SPATA6: variants seen among roughly 807,000 people sequenced by gnomAD.
The protein encoded by SPATA6 is spermatogenesis associated 6.
SPATA6 carries 56 observed loss-of-function variants against 65.3 expected under a neutral mutation model. The observed-to-expected ratio is 0.86, with a 90% CI of 0.69 to 1.07. The LOEUF is 1.07. Among genes scored for constraint, SPATA6 ranks in the 50% least tolerant of loss-of-function variants. The probability of loss-of-function intolerance (pLI) is 0.00; values close to 1 mark genes in which losing one functional copy is unlikely to be tolerated. For synonymous variants in SPATA6, 199 were observed against 213.2 expected (o/e 0.93, Z 0.58); for missense variants, 590 against 594.8 (o/e 0.99, Z 0.08).
intron 5 of SPATA6, among the ~76,000 whole-genome samples, chr1:48,406,780 T>G (rs896235818): frequency 6.6e-6 from 1 of 152,222 alleles, no homozygotes; most frequent in Non-Finnish European, 1.5e-5. Context: ...CAAGTTTACA[T>G]TAATCTACCC....
rs1201741819 is a variant in SPATA6, at chr1:48,324,926, G to A, written c.1195-19048C>T. Among the ~76,000 whole-genome samples, 3 of 152,144 alleles carry A rather than the reference G, an allele frequency of 2.0e-5. No homozygotes were observed. In the East Asian group the frequency reaches 5.8e-4, roughly 29 times the overall value. ...CAAATTATCTTTCCTTGCAGATGAT[G>A]CAATTTTATATTTGGAAAAAACCTA... On this transcript the variant is annotated intron_variant, in intron 11 of 12. Transcript: ENST00000371847.
At chr1:48,301,795 A>G (rs1398205358) in intron 12 of SPATA6, among the ~76,000 whole-genome samples, 1 of 152,192 alleles carries the variant, frequency 6.6e-6, no homozygotes, top group Non-Finnish European at 1.5e-5. Flanking sequence ...AGTCTTTTCA[A>G]TAAATGGTAC....
intron 10 of SPATA6, among the ~76,000 whole-genome samples, chr1:48,358,190 A>G (rs1031324248): frequency 1.3e-5 from 2 of 152,136 alleles, no homozygotes; most frequent in Non-Finnish European, 2.9e-5. Flanking sequence ...AAATTGATCA[A>G]TCCAGAAAAG....
chr1:48,456,991 A>G (rs1331449058), intron 1 of SPATA6, among the ~76,000 whole-genome samples: 1 of 152,224 alleles, frequency 6.6e-6, no homozygotes, highest in African/African-American at 2.4e-5. Context: ...CAACAAGATC[A>G]AAGAAATCAA....
the SPATA6 span, among the ~76,000 whole-genome samples, chr1:48,265,526 A>T: frequency 6.6e-6 from 1 of 152,176 alleles, no homozygotes; most frequent in Non-Finnish European, 1.5e-5. Context: ...TATAAAAAAT[A>T]AAAATAAAAT....
chr1:48,412,046 G>C (rs1464874780), intron 4 of SPATA6, among the ~76,000 whole-genome samples: 3 of 152,046 alleles, frequency 2.0e-5, no homozygotes, highest in Non-Finnish European at 4.4e-5. Context: ...ATTTTTAGTA[G>C]AGATGGGGTT....
intron 9 of SPATA6, among the ~76,000 whole-genome samples, chr1:48,381,603 A>G (rs1327165232): frequency 6.6e-6 from 1 of 151,002 alleles, no homozygotes; most frequent in East Asian, 1.9e-4. Context: ...AAATAGTTTA[A>G]GTAAGTACAT....
the SPATA6 span, among the ~76,000 whole-genome samples, chr1:48,286,178 T>G: frequency 2.9e-4 from 44 of 152,052 alleles, no homozygotes; most frequent in Admixed American, 1.3e-4. Flanking sequence ...TCATATGAAT[T>G]TTAGGAATTT....
intron 12 of SPATA6, among the ~76,000 whole-genome samples, chr1:48,301,337 A>G (rs1644933213): frequency 6.6e-6 from 1 of 152,026 alleles, no homozygotes; most frequent in South Asian, 2.1e-4. Context: ...GACAAAAACT[A>G]TAAAACACTG....
rs115317588 is a variant in SPATA6, at chr1:48,426,595, T to C, written c.239-13444A>G. Among the ~76,000 whole-genome samples the C allele has an allele frequency of 4.5e-3, 689 of 152,172 alleles. 4 individuals carry two copies. Among genetic ancestry groups the C allele is most frequent in the African/African-American group, 0.015 (616 of 41,542 alleles). On this transcript the variant is annotated intron_variant, in intron 3 of 12. Transcript: ENST00000371847. ...ACTACATACGGAAGCTCTTTGAAGT[T>C]AAAATGTTGTCCTGAATCAATCTTC...
intron 3 of SPATA6, among the ~76,000 whole-genome samples, chr1:48,445,659 C>CAAAAAAAA (rs10632587): frequency 2.0e-5 from 1 of 51,274 alleles, no homozygotes; most frequent in Non-Finnish European, 3.1e-5. Flanking sequence ...GACTCTGTCT[C>CAAAAAAAA]AAAAAAAAAA....
the SPATA6 span, among the ~76,000 whole-genome samples, chr1:48,267,344 C>G: frequency 6.6e-6 from 1 of 152,194 alleles, no homozygotes; most frequent in Admixed American, 6.5e-5. Flanking sequence ...TTGCATTAAT[C>G]AGCTCGATTA....
At chr1:48,471,549 G>GCGA (rs1658247855) in intron 1 of SPATA6, among the ~76,000 whole-genome samples, 1 of 152,190 alleles carries the variant, frequency 6.6e-6, no homozygotes, top group African/African-American at 2.4e-5. Context: ...GGGAGGAAAT[G>GCGA]CGACGCCCAC....
At chr1:48,440,018 T>G (rs1380941782) in intron 3 of SPATA6, among the ~76,000 whole-genome samples, 1 of 152,102 alleles carries the variant, frequency 6.6e-6, no homozygotes, top group African/African-American at 2.4e-5. Context: ...ATGCAAAGCT[T>G]GCAATTTACA....
chr1:48,276,345 T>C, the SPATA6 span, among the ~76,000 whole-genome samples: 2 of 152,210 alleles, frequency 1.3e-5, no homozygotes, highest in South Asian at 4.1e-4. Context: ...CATTCAGTTC[T>C]TCTCTGATCT....
intron 11 of SPATA6, among the ~76,000 whole-genome samples, chr1:48,337,520 C>A (rs1322313166): frequency 6.6e-6 from 1 of 151,088 alleles, no homozygotes; most frequent in Non-Finnish European, 1.5e-5. Flanking sequence ...CCCTAAATAA[C>A]AAAACAAGAA....
At chr1:48,454,867 T>G (rs1201705683) in intron 1 of SPATA6, among the ~76,000 whole-genome samples, 1 of 152,202 alleles carries the variant, frequency 6.6e-6, no homozygotes, top group Non-Finnish European at 1.5e-5. Flanking sequence ...GACAGAACAT[T>G]CATTAATACT....
Position 48,472,074 on chromosome 1 carries a change from G to A in SPATA6, c.-66C>T. ...GCCCGAGTGAGGCGGGGAGACCTGG[G>A]GCTGGGCGGGGACGGGGAGGAGACG... On this transcript the variant is annotated 5_prime_UTR_variant, in exon 1 of 13. Transcript: ENST00000371847. The A allele has an allele frequency of 7.9e-7, 1 of 1,270,854 alleles. No individual in the cohort carries two copies. The highest frequency in any genetic ancestry group is 1.0e-6 in the Non-Finnish European group (1 of 955,920). 78.7% of individuals were successfully genotyped at this position (1,270,854 alleles called of 1,614,324 possible).
At chr1:48,429,443 C>G (rs188023230) in intron 3 of SPATA6, among the ~76,000 whole-genome samples, 1 of 152,068 alleles carries the variant, frequency 6.6e-6, no homozygotes, top group African/African-American at 2.4e-5. Flanking sequence ...TGATCTTCAA[C>G]ACAAAGACAG....
Sources: gnomAD v4.1 joint callset for allele counts (sites outside exome capture counted in the v4.1 genomes callset) on GRCh38, gnomAD v4.1.1 for gene constraint, MANE v1.5 for transcripts, NCBI Gene and HGNC (gene_info 2026-07-23, HGNC 2026-07-21) for gene names.